The following WWOX variants were observed in gnomAD, a reference collection of about 807,000 sequenced individuals.
The protein encoded by WWOX is WW domain-containing oxidoreductase.
In WWOX, 69 loss-of-function variants were observed where a neutral mutation model predicts 46.2. That is an observed-to-expected ratio of 1.49 (90% CI 1.23 to 1.82). WWOX has a LOEUF of 1.82. Among genes scored for constraint, WWOX ranks in the 40% most tolerant of loss-of-function variants. The pLI, the probability that WWOX is intolerant of heterozygous loss-of-function variation, is 0.00. For missense variants in WWOX, 919 were observed against 542.6 expected (o/e 1.69, Z -6.89); for synonymous variants, 359 against 202.6 (o/e 1.77, Z -6.56).
intron 8 of WWOX, among the ~76,000 whole-genome samples, chr16:78,826,408 G>T (rs1231293069): frequency 6.6e-6 from 1 of 152,182 alleles, no homozygotes; most frequent in Non-Finnish European, 1.5e-5. Context: ...TCAGAATCAA[G>T]GCAGGGCTAT....
At chr16:78,711,034 T>C (rs1270526013) in intron 8 of WWOX, among the ~76,000 whole-genome samples, 1 of 152,154 alleles carries the variant, frequency 6.6e-6, no homozygotes, top group African/African-American at 2.4e-5. Context: ...TTTCAGGACC[T>C]AACCAACACC....
chr16:78,274,573 C>T (rs2079542539), intron 5 of WWOX, among the ~76,000 whole-genome samples: 1 of 152,146 alleles, frequency 6.6e-6, no homozygotes, highest in African/African-American at 2.4e-5. Flanking sequence ...TGTCTCCTTC[C>T]ATTCTGGTGA....
At chr16:78,370,539 C>A (rs1347466507) in intron 5 of WWOX, among the ~76,000 whole-genome samples, 1 of 151,466 alleles carries the variant, frequency 6.6e-6, no homozygotes, top group East Asian at 1.9e-4. Context: ...TGTTTCTATT[C>A]TTCTGTTCTG....
chr16:79,083,532 C>G (rs960840651), intron 8 of WWOX, among the ~76,000 whole-genome samples: 1 of 152,174 alleles, frequency 6.6e-6, no homozygotes, highest in Non-Finnish European at 1.5e-5. Context: ...TTTTCTTTCT[C>G]ACAAAACCTC....
At chr16:78,756,879 C>G (rs991552692) in intron 8 of WWOX, 8 of 702,162 alleles carry the variant, frequency 1.1e-5, no homozygotes, top group Admixed American at 2.0e-5. Flanking sequence ...ATGTGACTTA[C>G]GAGGCTAGAC....
intron 8 of WWOX, among the ~76,000 whole-genome samples, chr16:78,484,060 A>T (rs1043870469): frequency 6.6e-6 from 1 of 152,206 alleles, no homozygotes; most frequent in Non-Finnish European, 1.5e-5. Flanking sequence ...CTCCCTTGCA[A>T]TGAAATGAAC....
chr16:78,917,383 G>T (rs142192011), intron 8 of WWOX, among the ~76,000 whole-genome samples: 2 of 152,094 alleles, frequency 1.3e-5, no homozygotes, highest in African/African-American at 4.8e-5. Context: ...TATAATTCCT[G>T]TTGCAGCCTT....
chr16:78,787,949 A>G lies in WWOX; in HGVS notation c.1056+355197A>G, dbSNP rs376588827. On this transcript the variant is annotated intron_variant, in intron 8 of 8. Transcript: ENST00000566780. ...TGGTTATTTGTATCTTTTTTAAAAT[A>G]GAAATGTTGATTCAAGTCCTTTGCC... is the stretch of plus-strand genomic sequence containing the variant. 8.7e-4 allele frequency among the ~76,000 whole-genome samples: 133 copies of G among 152,320 alleles called. No individual in the cohort carries two copies. In the Middle Eastern group the frequency reaches 0.014, roughly 16 times the overall value.
At chr16:78,430,700 A>G (rs1225052878) in intron 7 of WWOX, among the ~76,000 whole-genome samples, 3 of 152,124 alleles carry the variant, frequency 2.0e-5, no homozygotes, top group East Asian at 3.9e-4. Context: ...GCAGCCAACA[A>G]TTCGTTTCAA....
intron 8 of WWOX, among the ~76,000 whole-genome samples, chr16:79,005,154 T>C (rs77209664): frequency 0.028 from 4,282 of 152,160 alleles, 73 homozygotes; most frequent in Middle Eastern, 0.048. Flanking sequence ...CCTTTCTCTT[T>C]TGCTTGCCTT....
chr16:78,380,236 G>A (rs2081925186), intron 5 of WWOX, among the ~76,000 whole-genome samples: 3 of 152,168 alleles, frequency 2.0e-5, no homozygotes, highest in South Asian at 4.1e-4. Context: ...AGGGTTGGGG[G>A]ATGAGAGGAC....
At chr16:78,814,191 A>C (rs1427795266) in intron 8 of WWOX, among the ~76,000 whole-genome samples, 1 of 152,162 alleles carries the variant, frequency 6.6e-6, no homozygotes, top group Non-Finnish European at 1.5e-5. Flanking sequence ...AAGCCATAAT[A>C]ATTCTGTCTT....
At chr16:78,456,686 A>G (rs547554261) in intron 8 of WWOX, among the ~76,000 whole-genome samples, 1 of 152,344 alleles carries the variant, frequency 6.6e-6, no homozygotes, top group Non-Finnish European at 1.5e-5. Flanking sequence ...ATGACTCTTA[A>G]CAAAGGATGT....
At chr16:78,384,979 C>G (rs1247610797) in intron 5 of WWOX, among the ~76,000 whole-genome samples, 1 of 152,072 alleles carries the variant, frequency 6.6e-6, no homozygotes, top group Non-Finnish European at 1.5e-5. Context: ...ACTGAAAATA[C>G]AAAAATAAGC....
intron 8 of WWOX, among the ~76,000 whole-genome samples, chr16:78,549,996 G>C (rs1200333646): frequency 1.3e-5 from 2 of 152,152 alleles, no homozygotes; most frequent in Admixed American, 1.3e-4. Flanking sequence ...CAACAATGAA[G>C]GGAAATGCCT....
intron 5 of WWOX, among the ~76,000 whole-genome samples, chr16:78,301,541 G>C (rs2080041344): frequency 6.6e-6 from 1 of 152,180 alleles, no homozygotes; most frequent in Non-Finnish European, 1.5e-5. Flanking sequence ...AAACATGGGA[G>C]AAGAGGGAGG....
intron 8 of WWOX, among the ~76,000 whole-genome samples, chr16:78,641,671 G>A (rs1470072687): frequency 6.6e-6 from 1 of 152,160 alleles, no homozygotes; most frequent in Non-Finnish European, 1.5e-5. Flanking sequence ...AAACGGCCCC[G>A]CAGATTGCCA....
At chr16:79,138,874 A>G (rs944090957) in intron 8 of WWOX, among the ~76,000 whole-genome samples, 15 of 152,194 alleles carry the variant, frequency 9.9e-5, no homozygotes, top group African/African-American at 3.1e-4. Context: ...AAGATATGCT[A>G]TCCACAGGAG....
At chr16:78,498,412 A>G (rs1394554659) in intron 8 of WWOX, among the ~76,000 whole-genome samples, 1 of 152,130 alleles carries the variant, frequency 6.6e-6, no homozygotes, top group Admixed American at 6.5e-5. Context: ...CCTAGGGGCA[A>G]GGTTTTCAGG....
Sources: allele counts gnomAD v4.1 joint callset (sites outside exome capture counted in the v4.1 genomes callset), GRCh38; gene constraint gnomAD v4.1.1; transcripts MANE v1.5; gene names NCBI Gene and HGNC (gene_info 2026-07-23, HGNC 2026-07-21).